CCBE1: variants seen among roughly 807,000 people sequenced by gnomAD.
CCBE1 encodes the protein collagen and calcium-binding EGF domain-containing protein 1.
CCBE1 carries 37 observed loss-of-function variants against 50.0 expected under a neutral mutation model. The ratio of observed to expected loss-of-function variants is 0.74; its 90% CI spans 0.57 to 0.97. CCBE1 has a LOEUF of 0.97. CCBE1 is among the 50% of genes least tolerant of loss of function. The pLI is 0.00. For missense variants in CCBE1, 538 were observed against 523.8 expected (o/e 1.03, Z -0.26); for synonymous variants, 234 against 203.7 (o/e 1.15, Z -1.27).
intron 2 of CCBE1, among the ~76,000 whole-genome samples, chr18:59,514,146 G>C (rs899662007): frequency 2.0e-5 from 3 of 152,128 alleles, no homozygotes; most frequent in Non-Finnish European, 4.4e-5. Context: ...GACCAATTCT[G>C]CATCTTTTAC....
chr18:59,632,713 C>T (rs2053865220), intron 2 of CCBE1, among the ~76,000 whole-genome samples: 1 of 152,114 alleles, frequency 6.6e-6, no homozygotes, highest in African/African-American at 2.4e-5. Flanking sequence ...CCTCGGCCTC[C>T]TGAGTAGCTG....
At chr18:59,549,764 C>T (rs1020013471) in intron 2 of CCBE1, among the ~76,000 whole-genome samples, 1 of 152,218 alleles carries the variant, frequency 6.6e-6, no homozygotes, top group Non-Finnish European at 1.5e-5. Context: ...CACTTATAAT[C>T]TACAGCTGCT....
Position 59,550,998 on chromosome 18 carries a change from C to CAAAAAAAAAAAA in CCBE1, c.213-70772_213-70761dup, listed in dbSNP as rs555160847. 1.8e-3 allele frequency among the ~76,000 whole-genome samples: 131 copies of CAAAAAAAAAAAA among 71,366 alleles called. 3 individuals are homozygous for CAAAAAAAAAAAA. Among genetic ancestry groups the CAAAAAAAAAAAA allele is most frequent in the Non-Finnish European group, 2.2e-3 (85 of 39,042 alleles). 46.8% of individuals were successfully genotyped at this position (71,366 alleles called of 152,430 possible). A position where few individuals can be genotyped will look rare whatever the true frequency, so the allele number is the denominator to read the frequency against. Reference sequence around the variant, plus strand: ...CCAGCCTGGGCAACACAGCGAGACTCAAAAAAAAAAAAAAAAAAAAAAAAA... The same window carrying CAAAAAAAAAAAA: ...CCAGCCTGGGCAACACAGCGAGACTCAAAAAAAAAAAAAAAAAAAAAAAAAAAAAAAAAAAAA... On this transcript the variant is annotated intron_variant, in intron 2 of 10. Transcript: ENST00000439986.
At position 59,432,778 on chromosome 18, in the gene CCBE1, A is replaced by G. The variant is rs1909987843; in HGVS notation, c.*3130T>C. 2.0e-5 allele frequency: 3 copies of G among 152,196 alleles called. No homozygotes were observed. Among genetic ancestry groups the G allele is most frequent in the African/African-American group, 7.2e-5 (3 of 41,454 alleles). The allele number at this position is 152,196 out of a possible 1,614,324, so 9.4% of individuals were successfully genotyped here. A position where few individuals can be genotyped will look rare whatever the true frequency, so the allele number is the denominator to read the frequency against. ...TACTTTCCATTAATTCTTTTAATAT[A>G]TTATTCTAGCCTATGGCCAAACATG... On this transcript the variant is annotated 3_prime_UTR_variant, in exon 11 of 11. Transcript: ENST00000439986.
intron 2 of CCBE1, among the ~76,000 whole-genome samples, chr18:59,612,818 TTTTTTTTG>T (rs1298085407): frequency 3.6e-5 from 4 of 110,674 alleles, no homozygotes; most frequent in Admixed American, 9.7e-5. Context: ...CTCAAGGGTT[TTTTTTTTG>T]TTTTTTTTTG....
At chr18:59,559,767 T>G (rs1480081970) in intron 2 of CCBE1, among the ~76,000 whole-genome samples, 1 of 152,218 alleles carries the variant, frequency 6.6e-6, no homozygotes, top group Non-Finnish European at 1.5e-5. Context: ...GAAACCTGTG[T>G]CTCTGCGTCT....
intron 2 of CCBE1, among the ~76,000 whole-genome samples, chr18:59,481,184 A>G (rs1912553883): frequency 6.6e-6 from 1 of 152,228 alleles, no homozygotes; most frequent in Non-Finnish European, 1.5e-5. Flanking sequence ...ATAGATCTGA[A>G]ATTTTTAAAC....
intron 5 of CCBE1, among the ~76,000 whole-genome samples, chr18:59,459,675 G>T (rs2143692036): frequency 6.6e-6 from 1 of 152,308 alleles, no homozygotes; most frequent in East Asian, 1.9e-4. Flanking sequence ...TATTTTATAT[G>T]GGCAGTGTTA....
At chr18:59,565,321 G>T (rs906521944) in intron 2 of CCBE1, among the ~76,000 whole-genome samples, 2 of 152,232 alleles carry the variant, frequency 1.3e-5, no homozygotes, top group Non-Finnish European at 2.9e-5. Context: ...CCAACCAATG[G>T]CACAGGACTG....
At chr18:59,646,081 T>C (rs564090767) in intron 2 of CCBE1, among the ~76,000 whole-genome samples, 3 of 150,022 alleles carry the variant, frequency 2.0e-5, no homozygotes, top group Non-Finnish European at 4.4e-5. Flanking sequence ...GTTTAAAAGG[T>C]GTAGAGAATT....
chr18:59,642,823 C>T (rs777060393), intron 2 of CCBE1, among the ~76,000 whole-genome samples: 1 of 151,828 alleles, frequency 6.6e-6, no homozygotes, highest in Non-Finnish European at 1.5e-5. Flanking sequence ...ATGGTAGGTG[C>T]CTGTAATCCC....
intron 2 of CCBE1, among the ~76,000 whole-genome samples, chr18:59,664,019 C>T (rs2054320374): frequency 6.6e-6 from 1 of 152,100 alleles, no homozygotes; most frequent in Non-Finnish European, 1.5e-5. Flanking sequence ...AACTGGGTAA[C>T]TTATAAGGAA....
chr18:59,452,436 C>A (rs1412643890), intron 6 of CCBE1, among the ~76,000 whole-genome samples: 1 of 151,732 alleles, frequency 6.6e-6, no homozygotes, highest in East Asian at 1.9e-4. Context: ...ACTAAAAATA[C>A]AAAAAAAATT....
At chr18:59,591,216 C>A (rs1334544391) in intron 2 of CCBE1, among the ~76,000 whole-genome samples, 1 of 28,422 alleles carries the variant, frequency 3.5e-5, no homozygotes, top group Non-Finnish European at 5.2e-5. Flanking sequence ...ACTGCACTCC[C>A]GCCTGGGCCA....
At chr18:59,643,230 A>G (rs929481396) in intron 2 of CCBE1, among the ~76,000 whole-genome samples, 2 of 152,086 alleles carry the variant, frequency 1.3e-5, no homozygotes, top group Non-Finnish European at 2.9e-5. Flanking sequence ...TATTCATCCT[A>G]TTTTTAAATC....
chr18:59,563,075 G>A (rs889312323), intron 2 of CCBE1, among the ~76,000 whole-genome samples: 1 of 152,184 alleles, frequency 6.6e-6, no homozygotes, highest in Non-Finnish European at 1.5e-5. Flanking sequence ...AGACTAGGAC[G>A]ACAGAAGAGA....
intron 2 of CCBE1, among the ~76,000 whole-genome samples, chr18:59,597,795 G>A (rs2053375493): frequency 6.6e-6 from 1 of 152,042 alleles, no homozygotes; most frequent in African/African-American, 2.4e-5. Context: ...AGACCATGAG[G>A]TCTTATTACC....
intron 2 of CCBE1, among the ~76,000 whole-genome samples, chr18:59,628,040 C>T (rs1055588231): frequency 2.0e-5 from 3 of 152,164 alleles, no homozygotes; most frequent in Non-Finnish European, 4.4e-5. Flanking sequence ...TAACGACACC[C>T]CGTCTCTACA....
At chr18:59,649,353 G>A (rs973352604) in intron 2 of CCBE1, among the ~76,000 whole-genome samples, 2 of 152,178 alleles carry the variant, frequency 1.3e-5, no homozygotes, top group Non-Finnish European at 2.9e-5. Flanking sequence ...GCAGTTTAAC[G>A]TTTAACAGTT....
Sources: gnomAD v4.1 joint callset for allele counts (sites outside exome capture counted in the v4.1 genomes callset) on GRCh38, gnomAD v4.1.1 for gene constraint, MANE v1.5 for transcripts, NCBI Gene and HGNC (gene_info 2026-07-23, HGNC 2026-07-21) for gene names.